Variants in EDEM2 observed in about 807,000 individuals in gnomAD.
The protein encoded by EDEM2 is ER degradation-enhancing alpha-mannosidase-like protein 2.
A neutral mutation model predicts 64.8 loss-of-function variants in EDEM2; 39 were observed. The observed-to-expected ratio is 0.60, with a 90% CI of 0.47 to 0.79. The LOEUF is 0.79. EDEM2 is among the 30% of genes least tolerant of loss of function. The pLI is 0.00. For missense variants in EDEM2, 609 were observed against 731.3 expected (o/e 0.83, Z 1.93); for synonymous variants, 296 against 291.5 (o/e 1.02, Z -0.16).
intron 9 of EDEM2, among the ~76,000 whole-genome samples, chr20:35,121,799 GT>G (rs11319601): frequency 0.67 from 98,564 of 147,732 alleles, 33,343 homozygotes; most frequent in Admixed American, 0.77. Flanking sequence ...GGTGCCTTAT[GT>G]TTTTTTTTTT....
chr20:35,126,296 G>T lies in EDEM2; in HGVS notation c.924C>A (p.Ser308=), dbSNP rs759343156. ...LWVQMYKGTV[S]MPVFQSLEAY... is the part of the protein sequence containing the mutation. ...CCTCCAAGGACTGGAAGACTGGCAT[G>T]GACACAGTCCCCTTGTACATCTGAA... Residue 308 remains serine (S), a synonymous_variant, in exon 8 of 11, where the codon TCC becomes TCA. Transcript: ENST00000374492. 6.2e-7 allele frequency: 1 copy of T among 1,614,076 alleles called. No individual in the cohort carries two copies. The highest frequency in any genetic ancestry group is 8.5e-7 in the Non-Finnish European group (1 of 1,180,036).
intron 9 of EDEM2, 94 bp downstream of exon 9, chr20:35,123,796 T>C: frequency 6.9e-7 from 1 of 1,444,980 alleles, no homozygotes; most frequent in East Asian, 2.3e-5. Flanking sequence ...AATGAACTTG[T>C]GGGCAGTTGT....
intron 6 of EDEM2, chr20:35,134,014 G>C (rs1031455483): frequency 4.5e-6 from 2 of 445,862 alleles, no homozygotes; most frequent in African/African-American, 4.0e-5. Context: ...CTTGAATCCA[G>C]TTCTGACTAA....
chr20:35,147,027 G>A, intron 1 of EDEM2, 92 bp from the exon 2 acceptor site: 2 of 1,553,974 alleles, frequency 1.3e-6, no homozygotes, highest in Non-Finnish European at 1.7e-6. Context: ...GGAATCACTA[G>A]CTGATTTCTC....
intron 10 of EDEM2, chr20:35,117,141 CA>C (rs2085318864): frequency 6.6e-6 from 1 of 152,124 alleles, no homozygotes; most frequent in Admixed American, 6.6e-5. Context: ...TTTCTCCACT[CA>C]GACCCAAAGT....
At chr20:35,122,341 G>A (rs376720271) in intron 9 of EDEM2, among the ~76,000 whole-genome samples, 69 of 152,206 alleles carry the variant, frequency 4.5e-4, no homozygotes, top group African/African-American at 1.5e-3. Context: ...CACCAGATAC[G>A]ATACCTTCTC....
At chr20:35,127,789 T>C (rs7264663) in intron 7 of EDEM2, among the ~76,000 whole-genome samples, 14,339 of 152,228 alleles carry the variant, frequency 0.094, 2,251 homozygotes, top group African/African-American at 0.33. Flanking sequence ...AAACTCTATA[T>C]ACAGTCATGT....
intron 9 of EDEM2, among the ~76,000 whole-genome samples, chr20:35,122,943 G>A (rs1408913924): frequency 6.6e-6 from 1 of 152,146 alleles, no homozygotes; most frequent in Non-Finnish European, 1.5e-5. Context: ...GCCTGTTTTG[G>A]GGTGGGGGAT....
chr20:35,139,222 C>T (rs2146110619), intron 4 of EDEM2, among the ~76,000 whole-genome samples: 1 of 152,106 alleles, frequency 6.6e-6, no homozygotes, highest in South Asian at 2.1e-4. Context: ...TGGTGGCAAG[C>T]GCCTGCAGTC....
chr20:35,145,934 G>A (rs555413702), intron 2 of EDEM2, among the ~76,000 whole-genome samples: 5 of 151,004 alleles, frequency 3.3e-5, no homozygotes, highest in African/African-American at 1.2e-4. Flanking sequence ...GCCAGGAGGC[G>A]GAGTTTGAAG....
At chr20:35,127,218 G>A (rs1205323059) in intron 7 of EDEM2, among the ~76,000 whole-genome samples, 3 of 152,176 alleles carry the variant, frequency 2.0e-5, no homozygotes, top group Middle Eastern at 3.2e-3. Context: ...GGAACTGTGA[G>A]TCCATTAAAC....
At chr20:35,135,088 A>AT (rs3215710) in intron 5 of EDEM2, 139 bp from the exon 6 acceptor site, 363,984 of 842,884 alleles carry the variant, frequency 0.43, 84,192 homozygotes, top group East Asian at 0.67. Flanking sequence ...CCAGAGAAAG[A>AT]TAAATGTCAT....
intron 7 of EDEM2, among the ~76,000 whole-genome samples, chr20:35,127,709 C>A (rs1326713499): frequency 6.6e-6 from 1 of 152,142 alleles, no homozygotes; most frequent in African/African-American, 2.4e-5. Flanking sequence ...GTAAAGTAGT[C>A]CCCCCTTATG....
chr20:35,118,669 G>A lies in EDEM2; in HGVS notation c.1165C>T (p.Leu389Phe). The A allele has an allele frequency of 1.2e-6, 2 of 1,613,650 alleles. No homozygotes were observed. The highest frequency in any genetic ancestry group is 4.5e-5 in the East Asian group (2 of 44,884). The change falls in exon 10 of 11, where the codon CTC (leucine) becomes TTC (phenylalanine). Residue 389 changes from leucine to phenylalanine, a missense_variant. Leu to Phe is a conservative substitution (Grantham distance 22, BLOSUM62 0). Coordinates refer to ENST00000374492, the MANE Select transcript of EDEM2 (RefSeq NM_018217.3). ...YLYRATGDPT[L>F]LELGRDAVES... ...ACAGCATCTCTTCCGAGTTCTAGGA[G>A]GGTGGGATCCCCCGTGGCACGGTAG...
Position 35,131,565 on chromosome 20 carries a change from C to CA in EDEM2, c.844+76dup, listed in dbSNP as rs543120411. 184 of 1,550,662 alleles carry CA rather than the reference C, an allele frequency of 1.2e-4. No homozygotes were observed. The African/African-American group carries it at 2.1e-3, about 18-fold the overall frequency. ...TGGGAGATGGAGCAAGACTCTGTCT[C>CA]AAAAAAAAGTTTTTAAACAAATCAC... On this transcript the variant is annotated intron_variant, in intron 7 of 10. Coordinates refer to ENST00000374492, the MANE Select transcript of EDEM2 (RefSeq NM_018217.3).
chr20:35,116,901 T>G (rs967592915), intron 10 of EDEM2, among the ~76,000 whole-genome samples: 3 of 152,116 alleles, frequency 2.0e-5, no homozygotes, highest in Non-Finnish European at 2.9e-5. Context: ...GCAATTCTCC[T>G]GCCTCAGCCT....
At position 35,137,969 on chromosome 20, in the gene EDEM2, T is replaced by C. The variant is rs1298803931; in HGVS notation, c.401A>G (p.Lys134Arg). 1 of 1,614,034 alleles carries C rather than the reference T, an allele frequency of 6.2e-7. No homozygotes were observed. Among genetic ancestry groups the C allele is most frequent in the Non-Finnish European group, 8.5e-7 (1 of 1,180,014 alleles). The change falls in exon 5 of 11, where the codon AAG (lysine) becomes AGG (arginine). Residue 134 changes from lysine (K) to arginine (R), a missense_variant. Lys to Arg is a conservative substitution (Grantham distance 26). Coordinates refer to ENST00000374492, the MANE Select transcript of EDEM2 (RefSeq NM_018217.3). ...AGCCTCTACTTCCACCCCAGCCTTC[T>C]TGGAGAGCAGATGAGCAGACAGGAG... ...GGLLSAHLLS[K>R]KAGVEVEAGW...
intron 9 of EDEM2, among the ~76,000 whole-genome samples, chr20:35,122,697 C>T (rs1394508816): frequency 6.6e-6 from 1 of 152,142 alleles, no homozygotes; most frequent in South Asian, 2.1e-4. Context: ...TAAAAACATG[C>T]CATGAGAACA....
In EDEM2 at chr20:35,126,585, G is replaced by A. The variant is rs533248393; in HGVS notation, c.845-210C>T. ...CACTTGCTAACCGTGACCTGGGGTG[G>A]GTTTTTCCCTTTTAAGCCTCAGCCT... On this transcript the variant is annotated intron_variant, in intron 7 of 10. Transcript: ENST00000374492. Among the ~76,000 whole-genome samples, 80 of 152,224 alleles carry A rather than the reference G, an allele frequency of 5.3e-4. No individual in the cohort carries two copies. In the Middle Eastern group the frequency reaches 0.01, roughly 19 times the overall value.
Sources: gnomAD v4.1 joint callset for allele counts (sites outside exome capture counted in the v4.1 genomes callset) on GRCh38, gnomAD v4.1.1 for gene constraint, MANE v1.5 for transcripts, NCBI Gene and HGNC (gene_info 2026-07-23, HGNC 2026-07-21) for gene names.